NCKAP1: variants seen among roughly 807,000 people sequenced by gnomAD.
NCKAP1 encodes nck-associated protein 1.
Under a neutral mutation model 151.2 loss-of-function variants are expected in NCKAP1, and 21 were observed. The observed-to-expected ratio is 0.14, with a 90% CI of 0.10 to 0.20. The LOEUF (loss-of-function observed/expected upper bound fraction) is 0.20. Among genes scored for constraint, NCKAP1 ranks in the 10% least tolerant of loss-of-function variants. The pLI is 1.00. For missense variants in NCKAP1, 933 were observed against 1,352.1 expected, an observed-to-expected ratio of 0.69 and a Z score of 4.86; for synonymous variants, 484 against 451.8, an observed-to-expected ratio of 1.07 and a Z score of -0.90.
intron 2 of NCKAP1, among the ~76,000 whole-genome samples, chr2:183,020,482 A>AAAAAAAG (rs1698776649): frequency 8.0e-6 from 1 of 125,022 alleles, no homozygotes; most frequent in Non-Finnish European, 1.7e-5. Flanking sequence ...AAAAAAAAAG[A>AAAAAAAG]AAAAAAAGAA....
chr2:183,000,830 T>G (rs556212459), intron 6 of NCKAP1, among the ~76,000 whole-genome samples: 1 of 152,288 alleles, frequency 6.6e-6, no homozygotes, highest in Non-Finnish European at 1.5e-5. Context: ...CAGTGGCTCA[T>G]GCCTGTAATC....
chr2:183,035,365 T>C (rs1699082940), intron 1 of NCKAP1, among the ~76,000 whole-genome samples: 1 of 152,154 alleles, frequency 6.6e-6, no homozygotes, highest in Admixed American at 6.5e-5. Flanking sequence ...TAATAAGTTA[T>C]TTTACTTAAC....
At chr2:183,016,632 T>C (rs907695319) in intron 2 of NCKAP1, among the ~76,000 whole-genome samples, 2 of 152,246 alleles carry the variant, frequency 1.3e-5, no homozygotes, top group Admixed American at 1.3e-4. Flanking sequence ...TATTTTACAG[T>C]AAGGTGATTC....
chr2:182,958,104 C>A (rs903704445), intron 18 of NCKAP1, among the ~76,000 whole-genome samples: 1 of 152,090 alleles, frequency 6.6e-6, no homozygotes, highest in South Asian at 2.1e-4. Context: ...AAAAAGACAG[C>A]GACAATTTTT....
intron 15 of NCKAP1, among the ~76,000 whole-genome samples, chr2:182,968,403 C>T (rs967427902): frequency 6.6e-6 from 1 of 152,162 alleles, no homozygotes; most frequent in Non-Finnish European, 1.5e-5. Flanking sequence ...TTGGGAGATA[C>T]TCCTGCATGG....
intron 23 of NCKAP1, among the ~76,000 whole-genome samples, chr2:182,952,005 C>A (rs1697226916): frequency 6.6e-6 from 1 of 152,078 alleles, no homozygotes; most frequent in Non-Finnish European, 1.5e-5. Flanking sequence ...AAGCAATAAG[C>A]CCAGTAATTT....
At chr2:182,989,594 C>T (rs1463572252) in intron 8 of NCKAP1, among the ~76,000 whole-genome samples, 2 of 152,172 alleles carry the variant, frequency 1.3e-5, no homozygotes, top group African/African-American at 4.8e-5. Context: ...TGCCTTTAAT[C>T]CCAGCACTGC....
intron 23 of NCKAP1, 46 bp from the exon 24 acceptor site, chr2:182,942,209 G>A: frequency 4.9e-6 from 7 of 1,419,828 alleles, no homozygotes; most frequent in Non-Finnish European, 6.9e-6. Context: ...ACCTCTTTGT[G>A]TTAATGAGAT....
chr2:182,968,349 A>G (rs1212647746), intron 15 of NCKAP1, among the ~76,000 whole-genome samples: 1 of 152,202 alleles, frequency 6.6e-6, no homozygotes, highest in Non-Finnish European at 1.5e-5. Context: ...ATAATTAGAT[A>G]TAGTGGGAAA....
intron 1 of NCKAP1, among the ~76,000 whole-genome samples, chr2:183,027,849 T>G (rs964513182): frequency 6.6e-6 from 1 of 152,184 alleles, no homozygotes; most frequent in Non-Finnish European, 1.5e-5. Flanking sequence ...CAACTTGCAT[T>G]TTCAGAAAAC....
intron 24 of NCKAP1, among the ~76,000 whole-genome samples, chr2:182,941,456 C>T (rs1696993283): frequency 6.6e-6 from 1 of 152,070 alleles, no homozygotes; most frequent in Admixed American, 6.6e-5. Flanking sequence ...ATGAATAAAT[C>T]TCAAAAACAT....
rs978940076 is a variant in NCKAP1 at position 183,008,735 on chromosome 2, A to C, written c.220-5410T>G. On this transcript the variant is annotated intron_variant, in intron 2 of 30. Transcript: ENST00000361354. ...CATAAATGAATTTGACAGTAGGTAT[A>C]AATTCATGTCTCAAATGAGTTTCTA... Among the ~76,000 whole-genome samples the C allele has an allele frequency of 2.0e-5, 3 of 152,228 alleles. No individual in the cohort carries two copies. The East Asian group carries it at 5.8e-4, about 29-fold the overall frequency.
intron 16 of NCKAP1, 105 bp from the exon 17 acceptor site, chr2:182,964,913 G>T: frequency 1.3e-6 from 1 of 794,820 alleles, no homozygotes; most frequent in Non-Finnish European, 1.9e-6. Context: ...ATAACTGGTA[G>T]CACTGATTTA....
At chr2:182,962,318 G>A (rs766931261) in intron 17 of NCKAP1, 40 bp from the exon 18 acceptor site, 1 of 1,532,006 alleles carries the variant, frequency 6.5e-7, no homozygotes, top group South Asian at 1.2e-5. Context: ...AAGTTATAAA[G>A]AAAGTACGTT....
At position 182,920,981 on chromosome 2, in the gene NCKAP1, C is replaced by T. The variant is rs1696542306; in HGVS notation, c.*4721G>A. Reference sequence around the variant, plus strand: ...ATTCAGGACGCATCACTGAGTAGTGCACAGTTTTAGTCTGTGAGCACGCTT... The same window carrying T: ...ATTCAGGACGCATCACTGAGTAGTGTACAGTTTTAGTCTGTGAGCACGCTT... On this transcript the variant is annotated 3_prime_UTR_variant, in exon 31 of 31. Coordinates refer to ENST00000361354, the MANE Select transcript of NCKAP1 (RefSeq NM_013436.5). 6.6e-6 allele frequency: 1 copy of T among 152,162 alleles called. No individual in the cohort carries two copies. The highest frequency in any genetic ancestry group is 2.4e-5 in the African/African-American group (1 of 41,450). The allele number at this position is 152,162 out of a possible 1,614,324, so 9.4% of individuals were successfully genotyped here.
intron 8 of NCKAP1, among the ~76,000 whole-genome samples, chr2:182,991,328 C>G (rs1165170754): frequency 6.6e-6 from 1 of 152,158 alleles, no homozygotes; most frequent in East Asian, 1.9e-4. Flanking sequence ...GAGGCCAAGA[C>G]AGATGGATCA....
chr2:182,950,481 T>A (rs1009854809), intron 23 of NCKAP1, among the ~76,000 whole-genome samples: 1 of 152,002 alleles, frequency 6.6e-6, no homozygotes, highest in Non-Finnish European at 1.5e-5. Context: ...TAGAAAAAAA[T>A]TATGTATTTA....
rs576207444 is a variant in NCKAP1 at position 182,920,940 on chromosome 2, G to A, written c.*4762C>T. On this transcript the variant is annotated 3_prime_UTR_variant, in exon 31 of 31. Transcript: ENST00000361354. The stretch of plus-strand genomic sequence containing the variant: ...GTAAACAAGGGCAACATTATCTTAG[G>A]TTTGTCTCTGAAAACATTCAGGACG... 1 of 152,196 alleles carries A rather than the reference G, an allele frequency of 6.6e-6. No homozygotes were observed. Among genetic ancestry groups the A allele is most frequent in the Non-Finnish European group, 1.5e-5 (1 of 68,006 alleles). The allele number at this position is 152,196 out of a possible 1,614,324, so 9.4% of individuals were successfully genotyped here.
intron 1 of NCKAP1, among the ~76,000 whole-genome samples, chr2:183,033,298 A>G (rs1699041132): frequency 6.6e-6 from 1 of 152,210 alleles, no homozygotes; most frequent in African/African-American, 2.4e-5. Flanking sequence ...TGTATATCCT[A>G]CTGAATAAAA....
Sources: allele counts gnomAD v4.1 joint callset (sites outside exome capture counted in the v4.1 genomes callset), GRCh38; gene constraint gnomAD v4.1.1; transcripts MANE v1.5; gene names NCBI Gene and HGNC (gene_info 2026-07-23, HGNC 2026-07-21).